Variants in TAB1 observed in about 807,000 individuals in gnomAD.
TAB1 encodes the protein TGF-beta-activated kinase 1 and MAP3K7-binding protein 1.
Under a neutral mutation model 54.5 loss-of-function variants are expected in TAB1, and 30 were observed. The ratio of observed to expected loss-of-function variants is 0.55; its 90% CI spans 0.41 to 0.75. TAB1 has a LOEUF of 0.75. TAB1 is among the 30% of genes least tolerant of loss of function. The pLI is 0.00. For missense variants in TAB1, 609 were observed against 683.2 expected (o/e 0.89, Z 1.21); for synonymous variants, 289 against 286.9 (o/e 1.01, Z -0.07).
chr22:39,417,363 G>A (rs1306044271), intron 4 of TAB1, among the ~76,000 whole-genome samples: 1 of 152,214 alleles, frequency 6.6e-6, no homozygotes, highest in Non-Finnish European at 1.5e-5. Context: ...GCTCACGCCT[G>A]TAATCCCAGC....
At chr22:39,425,844 C>G (rs1927307340) in intron 8 of TAB1, among the ~76,000 whole-genome samples, 3 of 151,820 alleles carry the variant, frequency 2.0e-5, no homozygotes, top group African/African-American at 7.3e-5. Flanking sequence ...CCACGCCCGG[C>G]CAAATGCTTT....
chr22:39,435,446 G>T (rs111673529), downstream of TAB1, among the ~76,000 whole-genome samples: 432 of 152,186 alleles, frequency 2.8e-3, 5 homozygotes, highest in African/African-American at 1.0e-2. Context: ...CTTCACTCCC[G>T]CGGCCCTCAC....
chr22:39,427,904 G>A (rs548542110), intron 9 of TAB1, 117 bp from the exon 10 acceptor site: 47 of 1,041,904 alleles, frequency 4.5e-5, no homozygotes, highest in South Asian at 4.0e-4. Flanking sequence ...AGGCATGGCC[G>A]CCACCCACAC....
At chr22:39,413,144 G>C (rs1926679579) in intron 1 of TAB1, among the ~76,000 whole-genome samples, 1 of 151,954 alleles carries the variant, frequency 6.6e-6, no homozygotes, top group African/African-American at 2.4e-5. Context: ...TCGATCTTCT[G>C]ACCTCATGAT....
chr22:39,421,074 T>C (rs996920414), intron 7 of TAB1, among the ~76,000 whole-genome samples: 20 of 151,626 alleles, frequency 1.3e-4, no homozygotes, highest in Admixed American at 6.6e-4. Context: ...CTGCTCCTCC[T>C]TCTTTTCTTT....
intron 8 of TAB1, among the ~76,000 whole-genome samples, chr22:39,423,132 C>T (rs546160137): frequency 1.3e-5 from 2 of 152,084 alleles, no homozygotes; most frequent in Non-Finnish European, 2.9e-5. Context: ...GCCACCACAC[C>T]TGGCTAATTT....
In TAB1 at chr22:39,415,762, G is replaced by T; in HGVS notation, c.324+109G>T. 1 of 1,404,536 alleles carries T rather than the reference G, an allele frequency of 7.1e-7. No homozygotes were observed. The highest frequency in any genetic ancestry group is 9.6e-7 in the Non-Finnish European group (1 of 1,046,224). The allele number at this position is 1,404,536 out of a possible 1,614,324, so 87.0% of individuals were successfully genotyped here. On this transcript the variant is annotated intron_variant, in intron 3 of 10. Transcript: ENST00000216160. This position sits in a 1 kb window ranked among gnomAD's most constrained non-coding sequence, Gnocchi z 4.9. Reference sequence around the variant, plus strand: ...CAGGGTTGGTGTGAAGATCCTGCCGGCCCCTTCACCCCAGTAGAGGAGCAG... The same window carrying T: ...CAGGGTTGGTGTGAAGATCCTGCCGTCCCCTTCACCCCAGTAGAGGAGCAG...
chr22:39,433,904 CTGT>C (rs1927683667), downstream of TAB1: 1 of 817,096 alleles, frequency 1.2e-6, no homozygotes, highest in Non-Finnish European at 1.5e-6. Flanking sequence ...GCCCGTCTCC[CTGT>C]TGTTTCCTCC....
At chr22:39,423,339 T>C (rs1384989722) in intron 8 of TAB1, among the ~76,000 whole-genome samples, 2 of 152,192 alleles carry the variant, frequency 1.3e-5, no homozygotes, top group Non-Finnish European at 2.9e-5. Flanking sequence ...GCACAGTGGC[T>C]CATGCTTGTA....
intron 1 of TAB1, among the ~76,000 whole-genome samples, chr22:39,410,524 G>C (rs973766469): frequency 1.3e-5 from 2 of 150,618 alleles, no homozygotes; most frequent in African/African-American, 4.9e-5. Context: ...ATTTAGTTGT[G>C]ACATACTTGG....
At chr22:39,426,167 ATAT>A (rs1052669770) in intron 8 of TAB1, among the ~76,000 whole-genome samples, 1 of 152,200 alleles carries the variant, frequency 6.6e-6, no homozygotes, top group African/African-American at 2.4e-5. Flanking sequence ...TCAACTTATG[ATAT>A]TTTCAACTTA....
At position 39,431,548 on chromosome 22, in the gene TAB1, G is replaced by A. The variant is rs7949; in HGVS notation, c.*1326G>A. On this transcript the variant is annotated 3_prime_UTR_variant, in exon 11 of 11. Coordinates refer to ENST00000216160, the MANE Select transcript of TAB1 (RefSeq NM_006116.3). Reference sequence around the variant, plus strand: ...AGCCTCTGGGGTGCTTGGTCTCTGCGAAGTCAAAGGCCTGACAGCTCTGTG... The same window carrying A: ...AGCCTCTGGGGTGCTTGGTCTCTGCAAAGTCAAAGGCCTGACAGCTCTGTG... 0.7 allele frequency: 687,457 copies of A among 985,264 alleles called. 240,614 individuals are homozygous for A. The highest frequency in any genetic ancestry group is 0.96 in the East Asian group (8,435 of 8,800). The allele number at this position is 985,264 out of a possible 1,614,324, so 61.0% of individuals were successfully genotyped here. A position where few individuals can be genotyped will look rare whatever the true frequency, so the allele number is the denominator to read the frequency against.
intron 4 of TAB1, 66 bp downstream of exon 4, chr22:39,416,943 C>A: frequency 6.7e-7 from 1 of 1,485,294 alleles, no homozygotes; most frequent in Non-Finnish European, 9.4e-7. Context: ...AGCATGGACT[C>A]ATCTACTTTC....
chr22:39,403,673 C>T (rs532398683), intron 1 of TAB1, among the ~76,000 whole-genome samples: 9 of 143,674 alleles, frequency 6.3e-5, no homozygotes, highest in African/African-American at 1.8e-4. Flanking sequence ...GAGTCTCGCT[C>T]TGTTGCCCAG....
At chr22:39,437,058 A>G (rs966099103), downstream of TAB1, 2 of 154,246 alleles carry the variant, frequency 1.3e-5, no homozygotes, top group African/African-American at 4.8e-5. Flanking sequence ...GCAAAAAAAA[A>G]ATTAAAATTA....
intron 1 of TAB1, among the ~76,000 whole-genome samples, chr22:39,411,467 G>A (rs1353188302): frequency 1.3e-5 from 2 of 152,194 alleles, no homozygotes; most frequent in Non-Finnish European, 2.9e-5. Context: ...ATGAGTTGGT[G>A]CCAAATAAAC....
chr22:39,415,266 C>T lies in TAB1; in HGVS notation c.170+124C>T. The T allele has an allele frequency of 2.4e-6, 3 of 1,270,972 alleles. No homozygotes were observed. The highest frequency in any genetic ancestry group is 3.2e-6 in the Non-Finnish European group (3 of 928,470). 78.7% of individuals were successfully genotyped at this position (1,270,972 alleles called of 1,614,324 possible). Reference sequence around the variant, plus strand: ...GTGACATGTGGCCCGTGAGAGGTGGCCTCTGCTGCTGTCTTGCCAAGGGCC... The same window carrying T: ...GTGACATGTGGCCCGTGAGAGGTGGTCTCTGCTGCTGTCTTGCCAAGGGCC... On this transcript the variant is annotated intron_variant, in intron 2 of 10. Transcript: ENST00000216160. This position sits in a 1 kb window ranked among gnomAD's most constrained non-coding sequence, Gnocchi z 4.9.
chr22:39,425,175 C>T (rs1927265645), intron 8 of TAB1, among the ~76,000 whole-genome samples: 1 of 151,296 alleles, frequency 6.6e-6, no homozygotes, highest in South Asian at 2.1e-4. Context: ...GAGATCGAGA[C>T]CATCCTGGCT....
chr22:39,416,919 C>G (rs1219575674), intron 4 of TAB1, 42 bp downstream of exon 4: 3 of 1,592,996 alleles, frequency 1.9e-6, no homozygotes, highest in Non-Finnish European at 2.6e-6. Context: ...AAGTCCAGGC[C>G]CAGCTTTGCA....
Sources: allele counts gnomAD v4.1 joint callset (sites outside exome capture counted in the v4.1 genomes callset), GRCh38; gene constraint gnomAD v4.1.1; non-coding constraint Gnocchi (gnomAD v3.1); transcripts MANE v1.5; gene names NCBI Gene and HGNC (gene_info 2026-07-23, HGNC 2026-07-21).